DMBT1: variants seen among roughly 807,000 people sequenced by gnomAD.
DMBT1 encodes the protein deleted in malignant brain tumors 1, also known as scavenger receptor cysteine-rich domain-containing protein DMBT1.
A neutral mutation model predicts 252.9 loss-of-function variants in DMBT1; 198 were observed. The ratio of observed to expected loss-of-function variants is 0.78; its 90% CI spans 0.70 to 0.88. DMBT1 has a LOEUF of 0.88. DMBT1 is among the 40% of genes least tolerant of loss of function. The probability of loss-of-function intolerance (pLI) is 0.00; values close to 1 mark genes in which losing one functional copy is unlikely to be tolerated. For missense variants in DMBT1, 2,432 were observed against 2,404.7 expected, an observed-to-expected ratio of 1.01 and a Z score of -0.24; for synonymous variants, 990 against 942.7, an observed-to-expected ratio of 1.05 and a Z score of -0.92.
Position 122,598,762 on chromosome 10 carries a change from G to C in DMBT1, c.2957-12G>C, listed in dbSNP as rs368871859. Reference sequence around the variant, plus strand: ...ATAGGGATGGATGAAGGATTCTTGTGTTCCCCTGTAGGATCTGAATCCAGT... The same window carrying C: ...ATAGGGATGGATGAAGGATTCTTGTCTTCCCCTGTAGGATCTGAATCCAGT... On this transcript the variant is annotated splice_polypyrimidine_tract_variant and intron_variant, in intron 25 of 55. Coordinates refer to ENST00000338354, the MANE Select transcript of DMBT1 (RefSeq NM_001377530.1). 6.2e-7 allele frequency: 1 copy of C among 1,612,758 alleles called. No individual in the cohort carries two copies.
intron 2 of DMBT1, among the ~76,000 whole-genome samples, chr10:122,566,847 T>C (rs2133508756): frequency 6.6e-6 from 1 of 152,290 alleles, no homozygotes; most frequent in East Asian, 1.9e-4. Flanking sequence ...ATTATACCCA[T>C]TTTGCAGATG....
intron 40 of DMBT1, 86 bp downstream of exon 40, chr10:122,617,346 G>A (rs2097998858): frequency 6.7e-7 from 1 of 1,489,982 alleles, no homozygotes; most frequent in African/African-American, 1.4e-5. Flanking sequence ...GCTCAAGGTG[G>A]GCCCCTCTCT....
chr10:122,599,909 A>T (rs1429491323), intron 26 of DMBT1, among the ~76,000 whole-genome samples, 155 bp from the exon 27 acceptor site: 2 of 152,010 alleles, frequency 1.3e-5, no homozygotes, highest in African/African-American at 4.8e-5. Flanking sequence ...TACATGGTGC[A>T]TCTCTGTGGG....
intron 24 of DMBT1, among the ~76,000 whole-genome samples, chr10:122,597,641 C>G (rs2097895199): frequency 6.6e-6 from 1 of 152,216 alleles, no homozygotes; most frequent in African/African-American, 2.4e-5. Context: ...CTTGGTTTCC[C>G]TAACATTTTA....
At chr10:122,585,926 G>C in intron 15 of DMBT1, 134 bp from the exon 16 acceptor site, 1 of 1,495,534 alleles carries the variant, frequency 6.7e-7, no homozygotes, top group Non-Finnish European at 9.0e-7. Context: ...TGAATCTCTG[G>C]TTTTATTCAT....
rs2098224052 is a variant in DMBT1, at chr10:122,635,990, G to A, written c.6549-1G>A. ...CCAAATGGTGTGTCCTCTCTCTGCAGGCTTGAAGGTGGCTGCAACTATGAT... is the reference window on the plus strand; with the variant it reads ...CCAAATGGTGTGTCCTCTCTCTGCAAGCTTGAAGGTGGCTGCAACTATGAT... On this transcript the variant is annotated splice_acceptor_variant, in intron 52 of 55. Coordinates refer to ENST00000338354, the MANE Select transcript of DMBT1 (RefSeq NM_001377530.1). LOFTEE classifies it high-confidence loss of function. The A allele has an allele frequency of 6.2e-7, 1 of 1,613,918 alleles. No individual in the cohort carries two copies. Among genetic ancestry groups the A allele is most frequent in the Non-Finnish European group, 8.5e-7 (1 of 1,179,898 alleles).
intron 46 of DMBT1, among the ~76,000 whole-genome samples, chr10:122,628,312 T>G (rs1167106573): frequency 6.6e-6 from 1 of 152,188 alleles, no homozygotes; most frequent in Non-Finnish European, 1.5e-5. Context: ...GATATGTCCA[T>G]GCAGTGGAGT....
intron 21 of DMBT1, among the ~76,000 whole-genome samples, chr10:122,594,099 T>A (rs12781302): frequency 0.066 from 8,966 of 135,558 alleles, 497 homozygotes; most frequent in East Asian, 0.17. Context: ...TTGTGATGTC[T>A]CTGCTTAACC....
chr10:122,599,796 G>A (rs533118443), intron 26 of DMBT1, among the ~76,000 whole-genome samples: 7 of 152,110 alleles, frequency 4.6e-5, no homozygotes, highest in African/African-American at 9.7e-5. Context: ...TGCCTAAGAC[G>A]TGCAAGGGAG....
At chr10:122,580,217 T>C (rs968107218) in intron 10 of DMBT1, among the ~76,000 whole-genome samples, 44 of 152,132 alleles carry the variant, frequency 2.9e-4, no homozygotes, top group African/African-American at 9.7e-4. Context: ...GAGGGTATAA[T>C]GGATGCAGCA....
At chr10:122,577,596 C>T (rs1163715229) in intron 7 of DMBT1, among the ~76,000 whole-genome samples, 1 of 152,116 alleles carries the variant, frequency 6.6e-6, no homozygotes, top group African/African-American at 2.4e-5. Flanking sequence ...CCTTCATATC[C>T]CTGGAGAGTG....
chr10:122,618,830 C>G (rs1047880205), intron 41 of DMBT1, among the ~76,000 whole-genome samples: 1 of 152,250 alleles, frequency 6.6e-6, no homozygotes, highest in African/African-American at 2.4e-5. Context: ...CTGTTTGTGT[C>G]AGGCCTGCTT....
intron 54 of DMBT1, among the ~76,000 whole-genome samples, chr10:122,638,162 A>C (rs1041952409): frequency 6.6e-6 from 1 of 152,174 alleles, no homozygotes; most frequent in African/African-American, 2.4e-5. Flanking sequence ...CCTGGCCTTA[A>C]TTGTGTTGGG....
At chr10:122,572,623 G>C (rs1165537407) in intron 5 of DMBT1, among the ~76,000 whole-genome samples, 5 of 152,064 alleles carry the variant, frequency 3.3e-5, no homozygotes, top group African/African-American at 1.2e-4. Context: ...TGGAGTGTGA[G>C]TGGTACCACC....
intron 11 of DMBT1, among the ~76,000 whole-genome samples, chr10:122,581,142 G>A (rs1164364254): frequency 1.4e-5 from 2 of 148,052 alleles, no homozygotes; most frequent in African/African-American, 5.1e-5. Flanking sequence ...CTGTCCCAGT[G>A]GACAACCCTT....
intron 50 of DMBT1, 98 bp downstream of exon 50, chr10:122,631,973 G>A: frequency 7.3e-7 from 1 of 1,374,772 alleles, no homozygotes; most frequent in Non-Finnish European, 1.0e-6. Flanking sequence ...TCTCCAAGGA[G>A]TTCATCTGTG....
chr10:122,642,207 GGT>G (rs1392524507), intron 55 of DMBT1, among the ~76,000 whole-genome samples: 1 of 151,710 alleles, frequency 6.6e-6, no homozygotes, highest in Non-Finnish European at 1.5e-5. Context: ...AAGAAAACTT[GGT>G]ATTTGAGAGA....
rs181572322 is a variant in DMBT1 at position 122,619,082 on chromosome 10, C to G, written c.5216-226C>G. ...TTTGGGTCAACCTGGTCACCCTGGG[C>G]AGACACAAAGTTACTCACCTCGGAG... On this transcript the variant is annotated intron_variant, in intron 41 of 55. Coordinates refer to ENST00000338354, the MANE Select transcript of DMBT1 (RefSeq NM_001377530.1). 2.2e-3 allele frequency among the ~76,000 whole-genome samples: 333 copies of G among 152,278 alleles called. 2 individuals carry two copies. Among genetic ancestry groups the G allele is most frequent in the Non-Finnish European group, 3.9e-3 (268 of 68,012 alleles).
intron 39 of DMBT1, 54 bp from the exon 40 acceptor site, chr10:122,617,174 G>A (rs1340710899): frequency 6.4e-7 from 1 of 1,569,824 alleles, no homozygotes; most frequent in Non-Finnish European, 8.7e-7. Flanking sequence ...CTTTTGTTCT[G>A]TGCCTTTTCC....
Sources: allele counts gnomAD v4.1 joint callset (sites outside exome capture counted in the v4.1 genomes callset), GRCh38; gene constraint gnomAD v4.1.1; transcripts MANE v1.5; gene names NCBI Gene and HGNC (gene_info 2026-07-23, HGNC 2026-07-21).